FTO: variants seen among roughly 807,000 people sequenced by gnomAD.
FTO encodes the protein alpha-ketoglutarate-dependent dioxygenase FTO.
A neutral mutation model predicts 63.9 loss-of-function variants in FTO; 47 were observed. The ratio of observed to expected loss-of-function variants is 0.74; its 90% CI spans 0.58 to 0.94. FTO has a LOEUF of 0.94. FTO is among the 40% of genes least tolerant of loss of function. The probability of loss-of-function intolerance (pLI) is 0.00; values close to 1 mark genes in which losing one functional copy is unlikely to be tolerated. For synonymous variants in FTO, 207 were observed against 224.4 expected (o/e 0.92, Z 0.69); for missense variants, 562 against 618.1 (o/e 0.91, Z 0.96).
chr16:53,857,122 G>C lies in FTO; in HGVS notation c.895+12824G>C, dbSNP rs140674288. On this transcript the variant is annotated intron_variant, in intron 4 of 8. Transcript: ENST00000471389. Reference sequence around the variant, plus strand: ...TTCAGGTTCAAGGGATACATATGCAGGTTTGTTACATGGGTAAATTGCATA... The same window carrying C: ...TTCAGGTTCAAGGGATACATATGCACGTTTGTTACATGGGTAAATTGCATA... Among the ~76,000 whole-genome samples the C allele has an allele frequency of 8.0e-3, 1,220 of 152,066 alleles. 5 individuals are homozygous for C. Among genetic ancestry groups the C allele is most frequent in the Non-Finnish European group, 0.012 (841 of 67,990 alleles).
At chr16:53,979,514 G>A (rs2083495240) in intron 8 of FTO, 4 of 394,104 alleles carry the variant, frequency 1.0e-5, no homozygotes, top group Non-Finnish European at 1.8e-5. Flanking sequence ...TACTGTGATT[G>A]GATCTTTTTT....
At chr16:53,981,256 T>C (rs2143815673) in intron 8 of FTO, 1 of 152,104 alleles carries the variant, frequency 6.6e-6, no homozygotes. Context: ...ACCCAGGAGG[T>C]TGAAGCTGCA....
At chr16:53,881,106 A>G (rs533236171) in intron 6 of FTO, among the ~76,000 whole-genome samples, 152 of 137,178 alleles carry the variant, frequency 1.1e-3, no homozygotes, top group African/African-American at 4.5e-3. Context: ...TGGGCAACAG[A>G]GTGAGACTCC....
intron 1 of FTO, among the ~76,000 whole-genome samples, chr16:53,729,227 A>G (rs896667456): frequency 6.6e-6 from 1 of 151,658 alleles, no homozygotes; most frequent in African/African-American, 2.4e-5. Context: ...CTACCTTGCC[A>G]TCTTAAAAAA....
chr16:54,007,818 G>T (rs550642013), intron 8 of FTO, among the ~76,000 whole-genome samples: 47 of 152,332 alleles, frequency 3.1e-4, no homozygotes, highest in African/African-American at 8.7e-4. Context: ...CTCTCAACTT[G>T]TAAAGGTGGT....
chr16:53,749,548 C>T lies in FTO; in HGVS notation c.45+45319C>T, dbSNP rs527404897. Among the ~76,000 whole-genome samples the T allele has an allele frequency of 4.6e-5, 7 of 151,976 alleles. No individual in the cohort carries two copies. The South Asian group carries it at 1.5e-3, about 32-fold the overall frequency. On this transcript the variant is annotated intron_variant, in intron 1 of 8. Coordinates refer to ENST00000471389, the MANE Select transcript of FTO (RefSeq NM_001080432.3). ...CCGCCTCCCGGGTTCATGCCATTCT[C>T]CTGCCTCAGCCTCCCGAGTAGCTGG... is the stretch of plus-strand genomic sequence containing the variant.
At chr16:54,097,386 G>A (rs1446494135) in intron 8 of FTO, among the ~76,000 whole-genome samples, 1 of 151,970 alleles carries the variant, frequency 6.6e-6, no homozygotes, top group Non-Finnish European at 1.5e-5. Flanking sequence ...TGTTGCCCAG[G>A]CTGGAGTGCA....
chr16:54,104,408 G>A (rs1567574047), intron 8 of FTO, among the ~76,000 whole-genome samples: 2 of 151,476 alleles, frequency 1.3e-5, no homozygotes, highest in Admixed American at 1.3e-4. Flanking sequence ...TGCCTCCCGG[G>A]TTCAAGTGAT....
intron 8 of FTO, among the ~76,000 whole-genome samples, chr16:54,027,770 A>G (rs1461476813): frequency 2.0e-5 from 3 of 152,142 alleles, no homozygotes; most frequent in Non-Finnish European, 4.4e-5. Context: ...ATCGTGAGTT[A>G]ATGTCTCTTA....
At chr16:53,932,854 T>C (rs74607686) in intron 7 of FTO, among the ~76,000 whole-genome samples, 5 of 152,302 alleles carry the variant, frequency 3.3e-5, no homozygotes, top group Non-Finnish European at 1.5e-5. Flanking sequence ...CCTCAGCATT[T>C]TCCCCCGTTT....
At chr16:53,868,251 GT>G (rs999109008) in intron 4 of FTO, among the ~76,000 whole-genome samples, 1 of 151,702 alleles carries the variant, frequency 6.6e-6, no homozygotes, top group African/African-American at 2.4e-5. Context: ...ATTTTGTCTT[GT>G]TTTTTCCCCT....
At chr16:54,106,898 A>G (rs1390675341) in intron 8 of FTO, among the ~76,000 whole-genome samples, 3 of 140,646 alleles carry the variant, frequency 2.1e-5, no homozygotes, top group Non-Finnish European at 4.5e-5. Context: ...GTATATAAAT[A>G]TATAATACAC....
intron 7 of FTO, among the ~76,000 whole-genome samples, chr16:53,928,324 AG>A (rs1347984452): frequency 6.6e-6 from 1 of 151,954 alleles, no homozygotes; most frequent in Non-Finnish European, 1.5e-5. Flanking sequence ...TTTTGGGAGG[AG>A]GGGAGGGAGA....
chr16:54,071,649 A>G (rs184476563), intron 8 of FTO: 1 of 152,286 alleles, frequency 6.6e-6, no homozygotes, highest in Admixed American at 6.5e-5. Flanking sequence ...AGAGTGGACA[A>G]ATTGGGTGCC....
chr16:54,074,913 A>AGT (rs1248976108), intron 8 of FTO, among the ~76,000 whole-genome samples: 2,428 of 125,008 alleles, frequency 0.019, 23 homozygotes, highest in African/African-American at 0.025. Context: ...AGAGAGAGAG[A>AGT]GAGAGTGTGT....
chr16:53,953,725 A>G (rs2082854700), intron 8 of FTO, among the ~76,000 whole-genome samples: 1 of 152,236 alleles, frequency 6.6e-6, no homozygotes, highest in Admixed American at 6.5e-5. Context: ...AATATAAAAA[A>G]ATCCAGCATG....
intron 4 of FTO, among the ~76,000 whole-genome samples, chr16:53,864,469 C>A (rs1299782039): frequency 2.0e-5 from 3 of 152,134 alleles, no homozygotes; most frequent in African/African-American, 7.2e-5. Context: ...GTTACCCTAG[C>A]ATAAATTATA....
At chr16:53,824,994 A>G (rs1467899430) in intron 2 of FTO, among the ~76,000 whole-genome samples, 2 of 152,202 alleles carry the variant, frequency 1.3e-5, no homozygotes, top group African/African-American at 2.4e-5. Context: ...AGGGAAGGGA[A>G]TTGACCAATA....
At chr16:53,904,880 T>G (rs1468504831) in intron 7 of FTO, among the ~76,000 whole-genome samples, 2 of 152,034 alleles carry the variant, frequency 1.3e-5, no homozygotes, top group African/African-American at 4.8e-5. Context: ...TCTGGGCCTT[T>G]TCCTGCTTGG....
Sources: allele counts gnomAD v4.1 joint callset (sites outside exome capture counted in the v4.1 genomes callset), GRCh38; gene constraint gnomAD v4.1.1; transcripts MANE v1.5; gene names NCBI Gene and HGNC (gene_info 2026-07-23, HGNC 2026-07-21).